The following GLDC variants were observed in gnomAD, a reference collection of about 807,000 sequenced individuals.
The protein encoded by GLDC is glycine dehydrogenase (decarboxylating), mitochondrial.
A neutral mutation model predicts 121.3 loss-of-function variants in GLDC; 104 were observed. The observed-to-expected ratio is 0.86, with a 90% CI of 0.73 to 1.01. GLDC has a LOEUF of 1.01. Ranked by LOEUF, GLDC falls within the 50% of genes least tolerant of loss-of-function variation. GLDC has a pLI of 0.00. For missense variants in GLDC, 1,429 were observed against 1,306.6 expected, an observed-to-expected ratio of 1.09 and a Z score of -1.44; for synonymous variants, 546 against 480.6, an observed-to-expected ratio of 1.14 and a Z score of -1.78.
At chr9:6,644,927 G>C (rs759362437) in intron 1 of GLDC, 3 of 619,186 alleles carry the variant, frequency 4.8e-6, no homozygotes, top group Non-Finnish European at 8.5e-6. Flanking sequence ...GAGCTAACCG[G>C]TAAGCCCACT....
At chr9:6,585,872 C>G (rs10975664) in intron 15 of GLDC, among the ~76,000 whole-genome samples, 4,682 of 82,680 alleles carry the variant, frequency 0.057, 208 homozygotes, top group African/African-American at 0.2. Flanking sequence ...ATGTATGTAT[C>G]TATCTATCTA....
chr9:6,618,355 T>C (rs1384593363), intron 3 of GLDC, among the ~76,000 whole-genome samples: 3 of 152,170 alleles, frequency 2.0e-5, no homozygotes, highest in Non-Finnish European at 4.4e-5. Context: ...CTGCCCAGGC[T>C]GGAGTGCAAT....
chr9:6,611,066 T>C (rs1181059042), intron 3 of GLDC, among the ~76,000 whole-genome samples: 2 of 152,198 alleles, frequency 1.3e-5, no homozygotes, highest in Non-Finnish European at 2.9e-5. Context: ...CAGGAGAAGT[T>C]CTACATGCTA....
At chr9:6,564,813 C>T (rs769526893) in intron 16 of GLDC, among the ~76,000 whole-genome samples, 10 of 152,234 alleles carry the variant, frequency 6.6e-5, no homozygotes, top group Non-Finnish European at 1.2e-4. Flanking sequence ...AGACCAGGTT[C>T]TCATATCCAA....
intron 7 of GLDC, among the ~76,000 whole-genome samples, chr9:6,602,675 AC>A (rs147220088): frequency 0.019 from 2,855 of 152,152 alleles, 81 homozygotes; most frequent in African/African-American, 0.064. Context: ...TTTAGACTGT[AC>A]TCTGAGACAC....
chr9:6,599,177 T>A (rs1036907285), intron 8 of GLDC, among the ~76,000 whole-genome samples: 2 of 139,240 alleles, frequency 1.4e-5, no homozygotes, highest in South Asian at 2.3e-4. Context: ...AGAGAAAGAC[T>A]CCGTCTCAAA....
rs1393410971 is a variant in GLDC, at chr9:6,565,977, C to G, written c.1851-548G>C. On this transcript the variant is annotated intron_variant, in intron 15 of 24. Transcript: ENST00000321612. Reference sequence around the variant, plus strand: ...TAACTACAGGCCGGGTGCAATGGCTCATGCCTGTAATCCTAGCACTTTGGG... The same window carrying G: ...TAACTACAGGCCGGGTGCAATGGCTGATGCCTGTAATCCTAGCACTTTGGG... The G allele has an allele frequency of 1.6e-5, 3 of 191,290 alleles. No homozygotes were observed. The Admixed American group carries it at 1.6e-4, about 10-fold the overall frequency. The allele number at this position is 191,290 out of a possible 1,614,324, so 11.8% of individuals were successfully genotyped here.
intron 2 of GLDC, 84 bp downstream of exon 2, chr9:6,644,529 AC>A: frequency 2.2e-6 from 2 of 898,286 alleles, no homozygotes; most frequent in South Asian, 1.3e-5. Context: ...AGCAATCCTT[AC>A]CCCAGAGCTC....
chr9:6,603,736 C>CTTTTTTTTTT (rs1215996748), intron 7 of GLDC, among the ~76,000 whole-genome samples: 2 of 124,996 alleles, frequency 1.6e-5, no homozygotes, highest in Non-Finnish European at 1.7e-5. Context: ...CCTTTTTTTT[C>CTTTTTTTTTT]TTTTTTTTTT....
Position 6,594,438 on chromosome 9 carries a change from G to A in GLDC, c.1261+576C>T, listed in dbSNP as rs530612338. Among the ~76,000 whole-genome samples the A allele has an allele frequency of 3.3e-5, 5 of 152,222 alleles. No homozygotes were observed. The East Asian group carries it at 9.7e-4, about 29-fold the overall frequency. On this transcript the variant is annotated intron_variant, in intron 9 of 24. Transcript: ENST00000321612. The stretch of plus-strand genomic sequence containing the variant: ...AAGCCAGGCATGGTGGCTCACGCCT[G>A]TAATCCCAGCACTTTGAGAGGCCAA...
Position 6,542,572 on chromosome 9 carries a change from T to C in GLDC, c.2570-2426A>G, listed in dbSNP as rs577329506. 1.6e-4 allele frequency among the ~76,000 whole-genome samples: 25 copies of C among 151,850 alleles called. 1 individual carries two copies. In the South Asian group the frequency reaches 1.7e-3, roughly 10 times the overall value. Reference sequence around the variant, plus strand: ...TTTCTAACAATGATGGGGAATAAACTGTAAGGAGTATGATTCAAAAGCAGA... The same window carrying C: ...TTTCTAACAATGATGGGGAATAAACCGTAAGGAGTATGATTCAAAAGCAGA... On this transcript the variant is annotated intron_variant, in intron 21 of 24. Transcript: ENST00000321612.
rs192006997 is a variant in GLDC, at chr9:6,588,367, G to C, written c.1707+34C>G. 78 of 1,512,332 alleles carry C rather than the reference G, an allele frequency of 5.2e-5. No individual in the cohort carries two copies. In the African/African-American group the frequency reaches 9.7e-4, roughly 19 times the overall value. 93.7% of individuals were successfully genotyped at this position (1,512,332 alleles called of 1,614,324 possible). ...GGTGGAAGCTAGAACACTGCCCCTTGCTGAGTATCCACTTACAGAAGTGAG... is the reference window on the plus strand; with the variant it reads ...GGTGGAAGCTAGAACACTGCCCCTTCCTGAGTATCCACTTACAGAAGTGAG... On this transcript the variant is annotated intron_variant, in intron 14 of 24. Transcript: ENST00000321612.
At chr9:6,587,356 T>A (rs116472783) in intron 14 of GLDC, 73 bp from the exon 15 acceptor site, 1 of 1,139,664 alleles carries the variant, frequency 8.8e-7, no homozygotes, top group Middle Eastern at 1.9e-4. Context: ...TTAATAATAA[T>A]GACGATGATG....
chr9:6,613,446 C>T (rs932796930), intron 3 of GLDC, among the ~76,000 whole-genome samples: 9 of 151,962 alleles, frequency 5.9e-5, no homozygotes, highest in Non-Finnish European at 1.3e-4. Flanking sequence ...GGCAACATAG[C>T]GAGACTCTGT....
intron 24 of GLDC, among the ~76,000 whole-genome samples, chr9:6,533,702 T>C (rs567558597): frequency 1.3e-5 from 2 of 151,616 alleles, no homozygotes; most frequent in South Asian, 4.2e-4. Flanking sequence ...CTACTAAAAA[T>C]GCAAAATTAG....
intron 21 of GLDC, among the ~76,000 whole-genome samples, chr9:6,546,045 TTC>T (rs1817381250): frequency 1.3e-5 from 2 of 152,230 alleles, no homozygotes; most frequent in South Asian, 4.1e-4. Flanking sequence ...CAAAAATATT[TTC>T]TTTTTCAATG....
chr9:6,622,593 AACCTCC>A (rs1241960651), intron 2 of GLDC, among the ~76,000 whole-genome samples: 6 of 152,058 alleles, frequency 3.9e-5, no homozygotes, highest in Non-Finnish European at 8.8e-5. Context: ...GGCTCGCTAC[AACCTCC>A]ACCTCCCAGC....
intron 3 of GLDC, among the ~76,000 whole-genome samples, chr9:6,615,440 T>C (rs1294940474): frequency 6.6e-6 from 1 of 150,468 alleles, no homozygotes; most frequent in Non-Finnish European, 1.5e-5. Context: ...AAAAAAAAAT[T>C]AGCCTGGCGA....
intron 15 of GLDC, chr9:6,567,135 TA>T (rs58461989): frequency 0.015 from 2,033 of 136,924 alleles, 36 homozygotes; most frequent in African/African-American, 0.049. Flanking sequence ...AAATAAAAAA[TA>T]AAAAAAAAAA....
Sources: gnomAD v4.1 joint callset for allele counts (sites outside exome capture counted in the v4.1 genomes callset) on GRCh38, gnomAD v4.1.1 for gene constraint, MANE v1.5 for transcripts, NCBI Gene and HGNC (gene_info 2026-07-23, HGNC 2026-07-21) for gene names.